VAV3: variants seen among roughly 807,000 people sequenced by gnomAD.
The protein encoded by VAV3 is vav guanine nucleotide exchange factor 3, also known as guanine nucleotide exchange factor VAV3.
A neutral mutation model predicts 131.2 loss-of-function variants in VAV3; 94 were observed. The ratio of observed to expected loss-of-function variants is 0.72; its 90% confidence interval spans 0.61 to 0.85. The LOEUF (loss-of-function observed/expected upper bound fraction) is 0.85. VAV3 is among the 40% of genes least tolerant of loss of function. The pLI, the probability that VAV3 is intolerant of heterozygous loss-of-function variation, is 0.00. For missense variants in VAV3, 939 were observed against 1,002.7 expected (o/e 0.94, Z 0.86); for synonymous variants, 349 against 342.0 (o/e 1.02, Z -0.22).
At chr1:107,678,493 A>C (rs1658375478) in intron 19 of VAV3, among the ~76,000 whole-genome samples, 2 of 152,180 alleles carry the variant, frequency 1.3e-5, no homozygotes, top group Non-Finnish European at 1.5e-5. Flanking sequence ...ATGTATTTTT[A>C]GATAAGTGCA....
At chr1:107,835,452 A>G (rs28674923) in intron 2 of VAV3, among the ~76,000 whole-genome samples, 4,962 of 152,166 alleles carry the variant, frequency 0.033, 129 homozygotes, top group African/African-American at 0.07. Flanking sequence ...AACACTGAGA[A>G]GAGTGAGATG....
intron 15 of VAV3, among the ~76,000 whole-genome samples, chr1:107,707,624 G>C (rs1437666740): frequency 6.6e-6 from 1 of 152,162 alleles, no homozygotes; most frequent in Non-Finnish European, 1.5e-5. Flanking sequence ...CCAGCACAAC[G>C]ACTTATATGC....
rs746473457 is a variant in VAV3 at position 107,964,654 on chromosome 1, C to G, written c.204+12G>C. On this transcript the variant is annotated intron_variant, in intron 1 of 26. Coordinates refer to ENST00000370056, the MANE Select transcript of VAV3 (RefSeq NM_006113.5). ...CCGGCTGGAGGCGGGGCGCCCGTGC[C>G]GGCCTCCTCACCTGGGACATCTGCG... 9.9e-6 allele frequency: 16 copies of G among 1,608,448 alleles called. No individual in the cohort carries two copies. The highest frequency in any genetic ancestry group is 1.6e-4 in the Middle Eastern group (1 of 6,066).
At chr1:107,802,738 G>A (rs778128419) in intron 2 of VAV3, among the ~76,000 whole-genome samples, 11 of 152,056 alleles carry the variant, frequency 7.2e-5, no homozygotes, top group Non-Finnish European at 1.0e-4. Flanking sequence ...AATTCAGTTT[G>A]CTAATATTGT....
At chr1:107,636,269 C>T (rs1441682015) in intron 20 of VAV3, among the ~76,000 whole-genome samples, 1 of 152,094 alleles carries the variant, frequency 6.6e-6, no homozygotes, top group Non-Finnish European at 1.5e-5. Context: ...CATGCAACAG[C>T]AGATTAGAAT....
rs1553201224 is a variant in VAV3, at chr1:107,753,493, T to TACACACATATATACAC, written c.1173+1933_1173+1934insGTGTATATATGTGTGT. The stretch of plus-strand genomic sequence containing the variant: ...GTATGTATGTGTGTGTGTATATATA[T>TACACACATATATACAC]ACACACATATATATACACACATATA... On this transcript the variant is annotated intron_variant, in intron 12 of 26. Coordinates refer to ENST00000370056, the MANE Select transcript of VAV3 (RefSeq NM_006113.5). Among the ~76,000 whole-genome samples the TACACACATATATACAC allele has an allele frequency of 6.5e-3, 725 of 111,596 alleles. 12 individuals carry two copies. The highest frequency in any genetic ancestry group is 0.023 in the African/African-American group (680 of 29,580). The allele number at this position is 111,596 out of a possible 152,430, so 73.2% of individuals were successfully genotyped here.
At chr1:107,671,908 A>G (rs1657827169) in intron 19 of VAV3, among the ~76,000 whole-genome samples, 1 of 152,240 alleles carries the variant, frequency 6.6e-6, no homozygotes, top group Non-Finnish European at 1.5e-5. Flanking sequence ...TTAGCAAGCT[A>G]TGTGTATAAT....
intron 2 of VAV3, among the ~76,000 whole-genome samples, chr1:107,788,897 T>C (rs557317612): frequency 1.3e-5 from 2 of 152,358 alleles, no homozygotes; most frequent in South Asian, 4.1e-4. Flanking sequence ...GCAATTTTAA[T>C]ATGTTCAATA....
Position 107,772,648 on chromosome 1 carries a change from CCAG to C in VAV3, c.555+84_555+86del, listed in dbSNP as rs763669681. ...AAGCAAGCAAAGGTTAAAAAAAATC[CCAG>C]CAGATGTTACATAAATTATTATGTT... On this transcript the variant is annotated intron_variant, in intron 5 of 26. Coordinates refer to ENST00000370056, the MANE Select transcript of VAV3 (RefSeq NM_006113.5). 17 of 1,155,616 alleles carry C rather than the reference CCAG, an allele frequency of 1.5e-5. No individual in the cohort carries two copies. In the Middle Eastern group the frequency reaches 6.1e-4, roughly 41 times the overall value. 71.6% of individuals were successfully genotyped at this position (1,155,616 alleles called of 1,614,324 possible).
At chr1:107,674,663 T>C (rs1658065587) in intron 19 of VAV3, among the ~76,000 whole-genome samples, 2 of 152,178 alleles carry the variant, frequency 1.3e-5, no homozygotes, top group Non-Finnish European at 1.5e-5. Flanking sequence ...GTGACCTTGG[T>C]TGAAGTACTT....
At chr1:107,617,409 C>A (rs1003526742) in intron 21 of VAV3, among the ~76,000 whole-genome samples, 158 bp downstream of exon 21, 2 of 151,966 alleles carry the variant, frequency 1.3e-5, no homozygotes, top group Admixed American at 6.5e-5. Flanking sequence ...CATATTCTGA[C>A]AATAGAACTA....
At chr1:107,685,301 T>C (rs1297971026) in intron 18 of VAV3, among the ~76,000 whole-genome samples, 1 of 152,178 alleles carries the variant, frequency 6.6e-6, no homozygotes, top group Non-Finnish European at 1.5e-5. Context: ...GTTAAATTTA[T>C]ATCTCTGTGC....
intron 19 of VAV3, among the ~76,000 whole-genome samples, chr1:107,667,545 T>C (rs995264695): frequency 1.1e-4 from 17 of 152,164 alleles, no homozygotes; most frequent in African/African-American, 3.1e-4. Flanking sequence ...ATAAGGTTTA[T>C]TGCTATCATT....
chr1:107,809,117 A>AT (rs1167667901), intron 2 of VAV3, among the ~76,000 whole-genome samples: 2 of 152,146 alleles, frequency 1.3e-5, no homozygotes, highest in East Asian at 3.8e-4. Flanking sequence ...TGCTCTTGTG[A>AT]TTTTCTCCCA....
chr1:107,676,226 G>A (rs1202718744), intron 19 of VAV3, among the ~76,000 whole-genome samples: 1 of 152,222 alleles, frequency 6.6e-6, no homozygotes, highest in Non-Finnish European at 1.5e-5. Flanking sequence ...CCTGAGAAGT[G>A]AGCACAGAAG....
intron 1 of VAV3, among the ~76,000 whole-genome samples, chr1:107,901,617 T>C (rs1281407898): frequency 1.3e-5 from 2 of 152,206 alleles, no homozygotes; most frequent in Non-Finnish European, 2.9e-5. Flanking sequence ...TTAGTAATAA[T>C]TGTGGGTATT....
chr1:107,696,035 T>C lies in VAV3; in HGVS notation c.1706-7629A>G, dbSNP rs568732906. Among the ~76,000 whole-genome samples, 442 of 152,312 alleles carry C rather than the reference T, an allele frequency of 2.9e-3. 2 individuals carry two copies. The highest frequency in any genetic ancestry group is 1.0e-2 in the African/African-American group (415 of 41,584). ...AAATTTTTTATTTTATTATCTTTAA[T>C]TGACACATTCAAAGCCAGAGGTTTT... On this transcript the variant is annotated intron_variant, in intron 17 of 26. Transcript: ENST00000370056.
At chr1:107,609,085 C>A (rs1351679244) in intron 22 of VAV3, among the ~76,000 whole-genome samples, 1 of 148,702 alleles carries the variant, frequency 6.7e-6, no homozygotes, top group Non-Finnish European at 1.5e-5. Flanking sequence ...TTCTTTGTTT[C>A]TTCACCCATA....
intron 2 of VAV3, 33 bp downstream of exon 2, chr1:107,874,868 T>TA (rs748928904): frequency 6.3e-7 from 1 of 1,575,704 alleles, no homozygotes; most frequent in South Asian, 1.1e-5. Context: ...GCTTTCCAGT[T>TA]AAAAAGTAGT....
Sources: gnomAD v4.1 joint callset for allele counts (sites outside exome capture counted in the v4.1 genomes callset) on GRCh38, gnomAD v4.1.1 for gene constraint, MANE v1.5 for transcripts, NCBI Gene and HGNC (gene_info 2026-07-23, HGNC 2026-07-21) for gene names.